FRMD4B: variants seen among roughly 807,000 people sequenced by gnomAD.
The protein encoded by FRMD4B is FERM domain containing 4B.
FRMD4B carries 74 observed loss-of-function variants against 141.5 expected under a neutral mutation model. The ratio of observed to expected loss-of-function variants is 0.52; its 90% CI spans 0.43 to 0.63. The LOEUF (loss-of-function observed/expected upper bound fraction) is 0.63, where lower values mean the gene tolerates loss of function less well. Among genes scored for constraint, FRMD4B ranks in the 30% least tolerant of loss-of-function variants. The pLI is 0.00. For missense variants in FRMD4B, 1,366 were observed against 1,253.4 expected (o/e 1.09, Z -1.36); for synonymous variants, 506 against 467.9 (o/e 1.08, Z -1.05).
chr3:69,469,255 C>T (rs1052628843), intron 1 of FRMD4B, among the ~76,000 whole-genome samples: 2 of 152,008 alleles, frequency 1.3e-5, no homozygotes, highest in African/African-American at 2.4e-5. Flanking sequence ...GGTCATGAGG[C>T]GTCATCAGAA....
chr3:69,437,779 T>G (rs1296623952), intron 1 of FRMD4B, among the ~76,000 whole-genome samples: 1 of 129,140 alleles, frequency 7.7e-6, no homozygotes, highest in Non-Finnish European at 1.5e-5. Flanking sequence ...ATATACTATA[T>G]ATACTATATT....
chr3:69,176,276 T>C (rs2092645065), intron 22 of FRMD4B, among the ~76,000 whole-genome samples: 1 of 152,220 alleles, frequency 6.6e-6, no homozygotes, highest in Non-Finnish European at 1.5e-5. Context: ...CCAGATATTT[T>C]TGGCTTTGGT....
chr3:69,441,178 G>A (rs1705335626), intron 1 of FRMD4B, among the ~76,000 whole-genome samples: 5 of 152,118 alleles, frequency 3.3e-5, no homozygotes, highest in Admixed American at 2.0e-4. Flanking sequence ...ATGATTATAG[G>A]ACATGGTTTC....
intron 7 of FRMD4B, 35 bp downstream of exon 7, chr3:69,249,191 T>G: frequency 7.3e-7 from 1 of 1,375,244 alleles, no homozygotes; most frequent in Non-Finnish European, 1.0e-6. Context: ...TTTAGGGTTA[T>G]TTTGCATAGT....
intron 5 of FRMD4B, among the ~76,000 whole-genome samples, chr3:69,277,615 C>T (rs1269402136): frequency 7.2e-6 from 1 of 138,016 alleles, no homozygotes; most frequent in Non-Finnish European, 1.5e-5. Context: ...CTCCGCCTCC[C>T]AAGTTCCCAA....
chr3:69,536,402 C>T (rs77402462), intron 1 of FRMD4B: 163,658 of 707,104 alleles, frequency 0.23, 20,321 homozygotes, highest in Admixed American at 0.31. Context: ...GTGGCCAGCG[C>T]CTGCTTCAGC....
At chr3:69,358,608 C>A (rs546915991) in intron 1 of FRMD4B, among the ~76,000 whole-genome samples, 1 of 152,034 alleles carries the variant, frequency 6.6e-6, no homozygotes, top group Non-Finnish European at 1.5e-5. Flanking sequence ...TGGTGGCATG[C>A]GCCTATAGTC....
rs755915765 is a variant in FRMD4B, at chr3:69,171,912, A to C, written c.3054T>G (p.Ser1018Arg). 1.2e-6 allele frequency: 2 copies of C among 1,613,144 alleles called. No homozygotes were observed. The highest frequency in any genetic ancestry group is 8.5e-7 in the Non-Finnish European group (1 of 1,179,110). ...GNQLEDNLES[S>R]EQRLFWHEDS... ...CTTCATGCCAAAAGAGTCTCTGCTC[A>C]CTACTCTCCAGGTTGTCTTCCAGCT... is the stretch of plus-strand genomic sequence containing the variant. Residue 1018 changes from serine (S) to arginine (R), a missense_variant, in exon 23 of 23, where the codon AGT becomes AGG. By Grantham distance (110) the Ser-to-Arg change is moderately radical. Transcript: ENST00000398540.
At chr3:69,206,617 T>C (rs756942036) in intron 11 of FRMD4B, among the ~76,000 whole-genome samples, 4 of 152,250 alleles carry the variant, frequency 2.6e-5, no homozygotes, top group African/African-American at 4.8e-5. Context: ...GCTGAGCTAC[T>C]GCTCTGGGCA....
intron 4 of FRMD4B, among the ~76,000 whole-genome samples, chr3:69,298,641 T>C (rs1701110849): frequency 6.6e-6 from 1 of 152,208 alleles, no homozygotes; most frequent in Non-Finnish European, 1.5e-5. Flanking sequence ...TGCCAACCTT[T>C]CTGTGCACCT....
intron 1 of FRMD4B, chr3:69,535,916 A>G: frequency 2.5e-6 from 1 of 396,588 alleles, no homozygotes; most frequent in East Asian, 7.5e-5. Flanking sequence ...TGGGTTTTGA[A>G]CTCTTACTCC....
At chr3:69,335,865 G>A (rs1178680936) in intron 1 of FRMD4B, among the ~76,000 whole-genome samples, 3 of 151,764 alleles carry the variant, frequency 2.0e-5, no homozygotes, top group African/African-American at 4.8e-5. Context: ...TGGGATTACA[G>A]GTGCGTGCCA....
intron 7 of FRMD4B, among the ~76,000 whole-genome samples, chr3:69,244,804 G>C (rs572069119): frequency 1.3e-5 from 2 of 152,134 alleles, no homozygotes; most frequent in East Asian, 3.8e-4. Context: ...TGAGGCAGGA[G>C]AACTGCTTGA....
At chr3:69,279,911 A>C (rs2093637100) in intron 5 of FRMD4B, among the ~76,000 whole-genome samples, 1 of 151,672 alleles carries the variant, frequency 6.6e-6, no homozygotes, top group African/African-American at 2.4e-5. Context: ...CTGTCTTTTC[A>C]TTATTACCAT....
chr3:69,513,145 C>T (rs1575596685), intron 1 of FRMD4B, among the ~76,000 whole-genome samples: 1 of 150,806 alleles, frequency 6.6e-6, no homozygotes, highest in East Asian at 1.9e-4. Context: ...AAAAAATCAA[C>T]AAATTTGATA....
At chr3:69,515,200 A>G (rs917843489) in intron 1 of FRMD4B, among the ~76,000 whole-genome samples, 1 of 152,180 alleles carries the variant, frequency 6.6e-6, no homozygotes, top group Non-Finnish European at 1.5e-5. Flanking sequence ...AGATCTCTCA[A>G]GAACTCACTA....
intron 1 of FRMD4B, among the ~76,000 whole-genome samples, chr3:69,522,272 T>C (rs143495035): frequency 1.5e-3 from 232 of 152,178 alleles, no homozygotes; most frequent in African/African-American, 5.4e-3. Context: ...GAGAGAAATT[T>C]TGATTCATAA....
chr3:69,265,539 C>T (rs1324932409), intron 5 of FRMD4B, among the ~76,000 whole-genome samples: 1 of 147,602 alleles, frequency 6.8e-6, no homozygotes, highest in Admixed American at 6.9e-5. Flanking sequence ...AGCTCCGCCG[C>T]CCGGTTCACG....
chr3:69,412,013 G>A (rs1281461562), intron 2 of FRMD4B, among the ~76,000 whole-genome samples: 1 of 152,198 alleles, frequency 6.6e-6, no homozygotes, highest in African/African-American at 2.4e-5. Context: ...GTAAAAACAG[G>A]TAACATTTAT....
Sources: gnomAD v4.1 joint callset for allele counts (sites outside exome capture counted in the v4.1 genomes callset) on GRCh38, gnomAD v4.1.1 for gene constraint, MANE v1.5 for transcripts, NCBI Gene and HGNC (gene_info 2026-07-23, HGNC 2026-07-21) for gene names.